UBR4: variants seen among roughly 807,000 people sequenced by gnomAD.
UBR4 encodes ubiquitin protein ligase E3 component n-recognin 4.
A neutral mutation model predicts 575.6 loss-of-function variants in UBR4; 124 were observed. That is an observed-to-expected ratio of 0.22 (90% CI 0.19 to 0.25). The LOEUF (loss-of-function observed/expected upper bound fraction) is 0.25, where lower values mean the gene tolerates loss of function less well. Among genes scored for constraint, UBR4 ranks in the 10% least tolerant of loss-of-function variants. UBR4 has a pLI of 1.00. For synonymous variants in UBR4, 2,455 were observed against 2,473.7 expected (o/e 0.99, Z 0.22); for missense variants, 4,818 against 6,478.8 (o/e 0.74, Z 8.80).
chr1:19,097,045 C>CT, intron 91 of UBR4, 148 bp downstream of exon 91: 1 of 579,538 alleles, frequency 1.7e-6, no homozygotes, highest in Non-Finnish European at 2.8e-6. Context: ...ACAGACACCT[C>CT]TTTTTTTCCT....
intron 60 of UBR4, among the ~76,000 whole-genome samples, chr1:19,130,180 C>G (rs1319726745): frequency 6.6e-6 from 1 of 152,154 alleles, no homozygotes; most frequent in Non-Finnish European, 1.5e-5. Context: ...CATACCACTG[C>G]AAACTAGCCT....
chr1:19,095,527 G>A lies in UBR4; in HGVS notation c.13626+18C>T. ...TTCCAAGGCCCACTCTTCTTCACCT[G>A]CAGTCCATGCTCCTTACCAGGTTTA... On this transcript the variant is annotated intron_variant, in intron 93 of 105. Transcript: ENST00000375254. The A allele has an allele frequency of 6.2e-7, 1 of 1,610,338 alleles. No individual in the cohort carries two copies. Among genetic ancestry groups the A allele is most frequent in the Middle Eastern group, 1.9e-4 (1 of 5,400 alleles).
At chr1:19,197,417 C>T (rs2092524388) in intron 7 of UBR4, 152 bp from the exon 8 acceptor site, 1 of 1,229,698 alleles carries the variant, frequency 8.1e-7, no homozygotes, top group Non-Finnish European at 1.1e-6. Context: ...TTGCTTGAGC[C>T]CAGGAGTTCA....
intron 74 of UBR4, 55 bp from the exon 75 acceptor site, chr1:19,115,004 G>A (rs2080326995): frequency 1.9e-6 from 3 of 1,608,694 alleles, no homozygotes; most frequent in Admixed American, 1.7e-5. Context: ...TGGGGTGGGG[G>A]TCACTCTGAG....
Position 19,112,583 on chromosome 1 carries a change from A to G in UBR4, c.11742T>C (p.Leu3914=). Residue 3914 remains leucine (L), a synonymous_variant, in exon 78 of 106, where the codon CTT becomes CTC. Coordinates refer to ENST00000375254, the MANE Select transcript of UBR4 (RefSeq NM_020765.3). ...CCCGCATGGCCGCAGCCCCTCGGCG[A>G]AGATTATAATCAAAGAGCTCCCGGA... is the stretch of plus-strand genomic sequence containing the variant. ...GLIRELFDYN[L]RRGAAAMREE... is the part of the protein sequence containing the mutation. The G allele has an allele frequency of 6.2e-7, 1 of 1,614,260 alleles. No homozygotes were observed. Among genetic ancestry groups the G allele is most frequent in the Non-Finnish European group, 8.5e-7 (1 of 1,180,032 alleles).
At chr1:19,200,480 C>T (rs903096451) in intron 2 of UBR4, among the ~76,000 whole-genome samples, 2 of 151,650 alleles carry the variant, frequency 1.3e-5, no homozygotes, top group African/African-American at 2.4e-5. Flanking sequence ...CCCAGCACTT[C>T]GGGAGGCTGA....
chr1:19,162,451 A>G lies in UBR4; in HGVS notation c.4925T>C (p.Val1642Ala). The change falls in exon 35 of 106, where the codon GTG becomes GCG. Residue 1642 changes from valine (V) to alanine (A), a missense_variant. Val to Ala is a moderately conservative substitution (Grantham distance 64, BLOSUM62 0). Coordinates refer to ENST00000375254, the MANE Select transcript of UBR4 (RefSeq NM_020765.3). ...VDSDWVEELA[V>A]EEEDSQAEDS... ...CTCAGCCTGGGAATCTTCCTCTTCC[A>G]CCGCCAACTCCTCCACCCAGTCTGA... 1.2e-6 allele frequency: 2 copies of G among 1,613,918 alleles called. No individual in the cohort carries two copies. Among genetic ancestry groups the G allele is most frequent in the Non-Finnish European group, 1.7e-6 (2 of 1,179,946 alleles).
rs370566408 is a variant in UBR4 at position 19,185,220 on chromosome 1, G to T, written c.1817C>A (p.Ala606Glu). The T allele has an allele frequency of 1.2e-6, 2 of 1,613,062 alleles. No individual in the cohort carries two copies. Among genetic ancestry groups the T allele is most frequent in the Non-Finnish European group, 1.7e-6 (2 of 1,179,604 alleles). The change falls in exon 15 of 106, where the codon GCA becomes GAA. Residue 606 changes from alanine (A) to glutamate (E), a missense_variant. By Grantham distance (107) the Ala-to-Glu change is moderately radical. This residue lies in a region of UBR4 where 1,172 missense variants were observed against 1,259.7 expected (regional missense o/e 0.93). Coordinates refer to ENST00000375254, the MANE Select transcript of UBR4 (RefSeq NM_020765.3). Reference protein sequence around the residue: ...EETISPSKEKAAPPPPPPPPP... With the variant: ...EETISPSKEKEAPPPPPPPPP... ...AGGTGGGGGAGGAGGCGGAGGTGCTGCTTTCTCTTTACTGGGAGAAATAGT... is the reference window on the plus strand; with the variant it reads ...AGGTGGGGGAGGAGGCGGAGGTGCTTCTTTCTCTTTACTGGGAGAAATAGT...
intron 102 of UBR4, among the ~76,000 whole-genome samples, chr1:19,084,017 C>A (rs1193716396): frequency 6.6e-6 from 1 of 152,250 alleles, no homozygotes; most frequent in Non-Finnish European, 1.5e-5. Flanking sequence ...GATAACAAAT[C>A]CAGTTTTCCA....
chr1:19,098,797 A>G (rs1423078032), intron 90 of UBR4, among the ~76,000 whole-genome samples: 1 of 151,054 alleles, frequency 6.6e-6, no homozygotes, highest in Non-Finnish European at 1.5e-5. Context: ...ACTCTACAGA[A>G]GTATTTGGGA....
At chr1:19,143,227 G>GAAGGAAGGAAAGA in intron 55 of UBR4, among the ~76,000 whole-genome samples, 1 of 99,094 alleles carries the variant, frequency 1.0e-5, no homozygotes, top group African/African-American at 3.7e-5. Flanking sequence ...AGGAAGGAAG[G>GAAGGAAGGAAAGA]AAGGAAGGCA....
chr1:19,188,680 A>G (rs2091789058), intron 11 of UBR4, among the ~76,000 whole-genome samples: 1 of 152,228 alleles, frequency 6.6e-6, no homozygotes, highest in Non-Finnish European at 1.5e-5. Flanking sequence ...AAAAAGAACA[A>G]ACACAGGCCA....
Position 19,156,349 on chromosome 1 carries a change from C to A in UBR4, c.5994G>T (p.Thr1998=). 6.2e-7 allele frequency: 1 copy of A among 1,614,210 alleles called. No individual in the cohort carries two copies. The highest frequency in any genetic ancestry group is 8.5e-7 in the Non-Finnish European group (1 of 1,180,032). ...ACACGGCTTTGATGATGAAGTTCCC[C>A]GTTGCCAACTGAGGGTGCAAAACCA... ...DHLVLHPQLA[T]GNFIIKAVWL... is the part of the protein sequence containing the mutation. The change falls in exon 42 of 106, where the codon ACG becomes ACT. Residue 1998 remains threonine (T), a synonymous_variant. Coordinates refer to ENST00000375254, the MANE Select transcript of UBR4 (RefSeq NM_020765.3).
intron 9 of UBR4, among the ~76,000 whole-genome samples, chr1:19,193,101 T>C (rs2092224526): frequency 6.6e-6 from 1 of 152,168 alleles, no homozygotes; most frequent in African/African-American, 2.4e-5. Flanking sequence ...TCACAATGTA[T>C]TGTTTCAGCG....
chr1:19,090,998 A>G (rs138618266), intron 97 of UBR4, among the ~76,000 whole-genome samples: 1 of 151,988 alleles, frequency 6.6e-6, no homozygotes, highest in Admixed American at 6.6e-5. Flanking sequence ...CGGGAGGCTG[A>G]GACAGGAGAA....
In UBR4 at chr1:19,153,434, C is replaced by T; in HGVS notation, c.6699G>A (p.Leu2233=). ...AAATGCGCAGGCTGCCATCCTCACA[C>T]AGCAGAATCATTGTTGTCCGCTGCT... ...NEQQRTTMIL[L]CEDGSLRIYM... is the part of the protein sequence containing the mutation. Residue 2233 remains leucine, a synonymous_variant, in exon 46 of 106, where the codon CTG becomes CTA. Coordinates refer to ENST00000375254, the MANE Select transcript of UBR4 (RefSeq NM_020765.3). This position sits in a 1 kb window ranked among gnomAD's most constrained non-coding sequence, Gnocchi z 4.1. 6.2e-7 allele frequency: 1 copy of T among 1,614,186 alleles called. No homozygotes were observed. Among genetic ancestry groups the T allele is most frequent in the Non-Finnish European group, 8.5e-7 (1 of 1,180,034 alleles).
Position 19,096,592 on chromosome 1 carries a change from C to G in UBR4, c.13449G>C (p.Gly4483=), listed in dbSNP as rs1196112063. The G allele has an allele frequency of 1.9e-6, 3 of 1,613,760 alleles. No homozygotes were observed. The highest frequency in any genetic ancestry group is 2.5e-6 in the Non-Finnish European group (3 of 1,179,926). Residue 4483 remains glycine, a synonymous_variant, in exon 92 of 106, where the codon GGG becomes GGC. Transcript: ENST00000375254. ...YKMAGVMAQC[G]GLECMLNRLA... is the part of the protein sequence containing the mutation. ...GTCTGTTAAGCATGCATTCCAGGCC[C>G]CCACACTGGGCCATCACACCAGCCA...
intron 11 of UBR4, among the ~76,000 whole-genome samples, chr1:19,190,961 C>T (rs559905275): frequency 5.9e-5 from 9 of 152,266 alleles, no homozygotes; most frequent in African/African-American, 1.9e-4. Flanking sequence ...CCACTGGCTA[C>T]CTGTCTGACC....
rs1291071671 is a variant in UBR4 at position 19,137,986 on chromosome 1, T to C, written c.8906+21A>G. 2.0e-6 allele frequency: 3 copies of C among 1,470,642 alleles called. 1 individual carries two copies. Among genetic ancestry groups the C allele is most frequent in the South Asian group, 3.1e-5 (2 of 65,472 alleles). 91.1% of individuals were successfully genotyped at this position (1,470,642 alleles called of 1,614,324 possible). ...GTCTCAGATAGGCAAGCCTCTTAAC[T>C]GTGAAGGACTAGGTCTTGACCTGTT... is the stretch of plus-strand genomic sequence containing the variant. On this transcript the variant is annotated intron_variant, in intron 60 of 105. Coordinates refer to ENST00000375254, the MANE Select transcript of UBR4 (RefSeq NM_020765.3).
Sources: allele counts gnomAD v4.1 joint callset (sites outside exome capture counted in the v4.1 genomes callset), GRCh38; gene constraint gnomAD v4.1.1; regional missense constraint gnomAD v4.1.1; non-coding constraint Gnocchi (gnomAD v3.1); transcripts MANE v1.5; gene names NCBI Gene and HGNC (gene_info 2026-07-23, HGNC 2026-07-21).